GRIK2: variants seen among roughly 807,000 people sequenced by gnomAD.
GRIK2 encodes glutamate receptor ionotropic, kainate 2.
GRIK2 carries 32 observed loss-of-function variants against 100.3 expected under a neutral mutation model. The ratio of observed to expected loss-of-function variants is 0.32; its 90% CI spans 0.24 to 0.43. The LOEUF is 0.43. Ranked by LOEUF, GRIK2 falls within the 20% of genes least tolerant of loss-of-function variation. The probability of loss-of-function intolerance (pLI) is 1.00; values close to 1 mark genes in which losing one functional copy is unlikely to be tolerated. For missense variants in GRIK2, 843 were observed against 1,114.9 expected, an observed-to-expected ratio of 0.76 and a Z score of 3.47; for synonymous variants, 417 against 389.4, an observed-to-expected ratio of 1.07 and a Z score of -0.83.
chr6:101,709,479 C>A (rs1036886559), intron 7 of GRIK2, among the ~76,000 whole-genome samples: 6 of 151,696 alleles, frequency 4.0e-5, no homozygotes, highest in African/African-American at 1.5e-4. Flanking sequence ...TACAAAGATA[C>A]CTAATACATT....
At chr6:101,886,652 A>G (rs1786638317) in intron 11 of GRIK2, among the ~76,000 whole-genome samples, 1 of 151,852 alleles carries the variant, frequency 6.6e-6, no homozygotes. Context: ...CCATTTTTCA[A>G]GAATGCAATA....
intron 7 of GRIK2, among the ~76,000 whole-genome samples, chr6:101,792,029 C>T (rs376293690): frequency 1.3e-5 from 2 of 151,986 alleles, no homozygotes; most frequent in East Asian, 1.9e-4. Context: ...AGGATTGCAA[C>T]CCCTGCCTTT....
At chr6:101,506,636 A>T (rs1774038678) in intron 2 of GRIK2, among the ~76,000 whole-genome samples, 1 of 152,154 alleles carries the variant, frequency 6.6e-6, no homozygotes, top group Non-Finnish European at 1.5e-5. Flanking sequence ...GCGTAGACTA[A>T]TGACATATAC....
At chr6:101,680,940 A>G (rs915771131) in intron 5 of GRIK2, among the ~76,000 whole-genome samples, 1 of 152,152 alleles carries the variant, frequency 6.6e-6, no homozygotes, top group Non-Finnish European at 1.5e-5. Flanking sequence ...CCTGTGCTCA[A>G]TTCTTTGATG....
At chr6:101,529,772 A>G (rs9404115) in intron 2 of GRIK2, among the ~76,000 whole-genome samples, 4 of 151,988 alleles carry the variant, frequency 2.6e-5, no homozygotes, top group South Asian at 4.1e-4. Flanking sequence ...ACAAAGTCCT[A>G]TGGGAATTCA....
intron 14 of GRIK2, among the ~76,000 whole-genome samples, chr6:101,999,836 T>C (rs938666653): frequency 6.6e-6 from 1 of 152,044 alleles, no homozygotes; most frequent in African/African-American, 2.4e-5. Context: ...GGTTGGGGAA[T>C]TTTCCTTTCT....
intron 12 of GRIK2, among the ~76,000 whole-genome samples, chr6:101,923,773 T>A (rs1226153711): frequency 6.6e-6 from 1 of 151,696 alleles, no homozygotes; most frequent in Non-Finnish European, 1.5e-5. Context: ...TGCAAAAAAT[T>A]AGCTGGGTGT....
chr6:101,658,097 G>A (rs1454795633), intron 4 of GRIK2, among the ~76,000 whole-genome samples: 1 of 152,014 alleles, frequency 6.6e-6, no homozygotes, highest in Non-Finnish European at 1.5e-5. Context: ...GGATACATGT[G>A]CAGAATATGT....
chr6:101,613,058 G>A (rs890471618), intron 2 of GRIK2, among the ~76,000 whole-genome samples: 44 of 151,722 alleles, frequency 2.9e-4, no homozygotes, highest in Non-Finnish European at 2.5e-4. Flanking sequence ...ATAAACTACT[G>A]AAAAAAGCTA....
rs143411618 is a variant in GRIK2, at chr6:101,626,501, G to A, written c.405G>A (p.Lys135=). The change falls in exon 4 of 17, where the codon AAG becomes AAA. Residue 135 remains lysine (K), a synonymous_variant. Coordinates refer to ENST00000369134, the MANE Select transcript of GRIK2 (RefSeq NM_021956.5). Reference sequence around the variant, plus strand: ...TTCCCCACATACAGACCCGCTGGAAGCACCAGGTGTCAGACAACAAAGATT... The same window carrying A: ...TTCCCCACATACAGACCCGCTGGAAACACCAGGTGTCAGACAACAAAGATT... ...LGVPHIQTRW[K]HQVSDNKDSF... 15 of 1,613,850 alleles carry A rather than the reference G, an allele frequency of 9.3e-6. No homozygotes were observed. In the African/African-American group the frequency reaches 2.0e-4, roughly 22 times the overall value.
At chr6:101,406,071 A>G (rs1412340133) in intron 2 of GRIK2, among the ~76,000 whole-genome samples, 2 of 152,140 alleles carry the variant, frequency 1.3e-5, no homozygotes, top group African/African-American at 4.8e-5. Flanking sequence ...CAAATAAGTA[A>G]GGTTTATTTG....
intron 2 of GRIK2, among the ~76,000 whole-genome samples, chr6:101,574,302 T>C (rs1777692977): frequency 6.8e-6 from 1 of 147,662 alleles, no homozygotes; most frequent in Admixed American, 6.8e-5. Flanking sequence ...ACACTGTATA[T>C]ATTTATATAT....
At chr6:101,597,305 G>A (rs964371699) in intron 2 of GRIK2, among the ~76,000 whole-genome samples, 3 of 151,670 alleles carry the variant, frequency 2.0e-5, no homozygotes, top group African/African-American at 7.2e-5. Context: ...AGAATCATTT[G>A]TACCCAGACC....
At chr6:102,042,825 G>T (rs1770664495) in intron 15 of GRIK2, among the ~76,000 whole-genome samples, 1 of 151,616 alleles carries the variant, frequency 6.6e-6, no homozygotes, top group African/African-American at 2.4e-5. Context: ...CTTAGTGTCA[G>T]AGTTTCATGG....
intron 14 of GRIK2, among the ~76,000 whole-genome samples, chr6:101,981,409 A>C (rs1793706820): frequency 6.6e-6 from 1 of 151,934 alleles, no homozygotes; most frequent in Non-Finnish European, 1.5e-5. Flanking sequence ...AAAAGGTAAT[A>C]CAGTGCATTG....
chr6:101,805,804 C>T (rs1449109788), intron 9 of GRIK2, among the ~76,000 whole-genome samples: 1 of 151,972 alleles, frequency 6.6e-6, no homozygotes, highest in East Asian at 1.9e-4. Context: ...ACATGAACTT[C>T]AGGATGAAAA....
intron 14 of GRIK2, among the ~76,000 whole-genome samples, chr6:102,011,084 T>A (rs1290781549): frequency 6.6e-6 from 1 of 151,976 alleles, no homozygotes; most frequent in Non-Finnish European, 1.5e-5. Context: ...ATGAGAAGAG[T>A]AAGTTTGATT....
chr6:101,989,583 A>G (rs1794242445), intron 14 of GRIK2, among the ~76,000 whole-genome samples: 1 of 151,622 alleles, frequency 6.6e-6, no homozygotes, highest in African/African-American at 2.4e-5. Flanking sequence ...TTAGCCATGG[A>G]TTTTGTCCAT....
Position 101,746,619 on chromosome 6 carries a change from G to A in GRIK2, c.952-53029G>A, listed in dbSNP as rs527690506. ...TGGGATTACAGGAGTTAGCCACTGC[G>A]CCTGGCCTACCTTCAAATTTTTGTC... On this transcript the variant is annotated intron_variant, in intron 7 of 16. Coordinates refer to ENST00000369134, the MANE Select transcript of GRIK2 (RefSeq NM_021956.5). Among the ~76,000 whole-genome samples, 165 of 152,188 alleles carry A rather than the reference G, an allele frequency of 1.1e-3. 4 individuals are homozygous for A. The highest frequency in any genetic ancestry group is 4.2e-4 in the South Asian group (2 of 4,808).
Sources: gnomAD v4.1 joint callset for allele counts (sites outside exome capture counted in the v4.1 genomes callset) on GRCh38, gnomAD v4.1.1 for gene constraint, MANE v1.5 for transcripts, NCBI Gene and HGNC (gene_info 2026-07-23, HGNC 2026-07-21) for gene names.